The following SYT16 variants were observed in gnomAD, a reference collection of about 807,000 sequenced individuals.
SYT16 encodes synaptotagmin 16, also known as synaptotagmin-16.
SYT16 carries 42 observed loss-of-function variants against 61.4 expected under a neutral mutation model. The observed-to-expected ratio is 0.68, with a 90% CI of 0.53 to 0.89. SYT16 has a LOEUF of 0.89. SYT16 is among the 40% of genes least tolerant of loss of function. SYT16 has a pLI of 0.00. For missense variants in SYT16, 804 were observed against 807.3 expected (o/e 1.00, Z 0.05); for synonymous variants, 314 against 302.3 (o/e 1.04, Z -0.40).
chr14:61,890,195 A>G (rs1352136817), intron 1 of SYT16, among the ~76,000 whole-genome samples: 2 of 152,170 alleles, frequency 1.3e-5, no homozygotes, highest in African/African-American at 2.4e-5. Flanking sequence ...ACAGTAAGAA[A>G]GGCTGGGAGC....
At position 61,846,660 on chromosome 14, in the gene SYT16, G is replaced by A. The variant is rs529675421; in HGVS notation, c.-325+33850G>A. 4.6e-5 allele frequency among the ~76,000 whole-genome samples: 7 copies of A among 152,138 alleles called. No homozygotes were observed. In the South Asian group the frequency reaches 1.5e-3, roughly 32 times the overall value. On this transcript the variant is annotated intron_variant, in intron 1 of 7. Coordinates refer to ENST00000683842, the MANE Select transcript of SYT16 (RefSeq NM_001367656.1). ...GGAGAGTTTAGTCCATTTGCATTCA[G>A]TGTTACCATTGTTAAGAACTTACTC...
At chr14:61,924,130 A>C (rs1473698956) in intron 1 of SYT16, among the ~76,000 whole-genome samples, 1 of 152,234 alleles carries the variant, frequency 6.6e-6, no homozygotes, top group East Asian at 1.9e-4. Flanking sequence ...CAGTCCCTTT[A>C]AATGACTGTT....
chr14:61,818,217 G>C (rs1401162675), intron 1 of SYT16, among the ~76,000 whole-genome samples: 1 of 152,138 alleles, frequency 6.6e-6, no homozygotes, highest in Non-Finnish European at 1.5e-5. Flanking sequence ...ATGAGCGTTG[G>C]TATTTCACCA....
intron 3 of SYT16, among the ~76,000 whole-genome samples, chr14:62,032,597 T>C (rs1254988705): frequency 6.6e-6 from 1 of 152,044 alleles, no homozygotes; most frequent in South Asian, 2.1e-4. Flanking sequence ...TACTGAATAA[T>C]GACAATGATA....
intron 2 of SYT16, among the ~76,000 whole-genome samples, chr14:61,994,467 G>T (rs1011661094): frequency 6.6e-5 from 10 of 152,140 alleles, no homozygotes; most frequent in Non-Finnish European, 4.4e-5. Flanking sequence ...GGCTTTGACA[G>T]CCACAGATAC....
Position 61,938,026 on chromosome 14 carries a change from A to AACACAC in SYT16, c.-324-32078_-324-32073dup, listed in dbSNP as rs3071213. ...CTGTTGCCCCAACCTCCTACCCCGC[A>AACACAC]ACACACACACACACACACACACACA... On this transcript the variant is annotated intron_variant, in intron 1 of 7. Coordinates refer to ENST00000683842, the MANE Select transcript of SYT16 (RefSeq NM_001367656.1). 8.3e-3 allele frequency among the ~76,000 whole-genome samples: 1,133 copies of AACACAC among 135,714 alleles called. 28 individuals carry two copies. Among genetic ancestry groups the AACACAC allele is most frequent in the African/African-American group, 0.029 (1,031 of 35,808 alleles). 89.0% of individuals were successfully genotyped at this position (135,714 alleles called of 152,430 possible).
In SYT16 at chr14:61,909,387, A is replaced by G. The variant is rs540709462; in HGVS notation, c.-324-60745A>G. On this transcript the variant is annotated intron_variant, in intron 1 of 7. Transcript: ENST00000683842. ...TCGAGTCTGAAATCAGGGTGTTGGC[A>G]GGGCCATGCTCCCTCTGAAGGTGCC... Among the ~76,000 whole-genome samples, 77 of 152,310 alleles carry G rather than the reference A, an allele frequency of 5.1e-4. 1 individual carries two copies. Among genetic ancestry groups the G allele is most frequent in the African/African-American group, 1.8e-3 (76 of 41,572 alleles).
chr14:61,925,122 C>G (rs1462103455), intron 1 of SYT16, among the ~76,000 whole-genome samples: 1 of 152,214 alleles, frequency 6.6e-6, no homozygotes, highest in Non-Finnish European at 1.5e-5. Context: ...TGTTCTATTC[C>G]TAAGGAAGAA....
At chr14:62,068,761 AACACAC>A (rs71449578) in intron 3 of SYT16, among the ~76,000 whole-genome samples, 1 of 150,880 alleles carries the variant, frequency 6.6e-6, no homozygotes, top group African/African-American at 2.4e-5. Context: ...AATGAGTTAA[AACACAC>A]ACACACACAC....
chr14:61,875,558 C>G (rs1045084149), intron 1 of SYT16, among the ~76,000 whole-genome samples: 1 of 152,310 alleles, frequency 6.6e-6, no homozygotes, highest in Admixed American at 6.5e-5. Flanking sequence ...TTGATTTAAG[C>G]AGCAAATGAA....
intron 1 of SYT16, among the ~76,000 whole-genome samples, chr14:61,893,999 G>C (rs1337670304): frequency 6.6e-6 from 1 of 151,512 alleles, no homozygotes; most frequent in East Asian, 1.9e-4. Flanking sequence ...GGAAAAAAAG[G>C]CCTGGCTGGC....
Position 62,106,672 on chromosome 14 carries a change from A to G in SYT16, c.*5965A>G, listed in dbSNP as rs1389956979. Reference sequence around the variant, plus strand: ...AGAAAGTTTTCTCTGAAGAGTTCCTATTTGGGTTTTGTTTAGGGCTTTGGG... The same window carrying G: ...AGAAAGTTTTCTCTGAAGAGTTCCTGTTTGGGTTTTGTTTAGGGCTTTGGG... On this transcript the variant is annotated 3_prime_UTR_variant, in exon 8 of 8. Coordinates refer to ENST00000683842, the MANE Select transcript of SYT16 (RefSeq NM_001367656.1). 1.3e-5 allele frequency: 2 copies of G among 152,020 alleles called. No homozygotes were observed. Among genetic ancestry groups the G allele is most frequent in the Non-Finnish European group, 2.9e-5 (2 of 67,990 alleles). 9.4% of individuals were successfully genotyped at this position (152,020 alleles called of 1,614,324 possible). A position where few individuals can be genotyped will look rare whatever the true frequency, so the allele number is the denominator to read the frequency against.
At chr14:62,003,567 A>G (rs2053106592) in intron 3 of SYT16, among the ~76,000 whole-genome samples, 1 of 151,962 alleles carries the variant, frequency 6.6e-6, no homozygotes, top group African/African-American at 2.4e-5. Flanking sequence ...TGATTTGACC[A>G]CTTATATAAA....
intron 2 of SYT16, among the ~76,000 whole-genome samples, chr14:61,993,558 C>G (rs898719011): frequency 8.6e-5 from 13 of 151,792 alleles, no homozygotes; most frequent in African/African-American, 3.1e-4. Flanking sequence ...AAAAGATGGC[C>G]GTGGGAGCTA....
At chr14:61,833,706 C>CTT (rs11357318) in intron 1 of SYT16, among the ~76,000 whole-genome samples, 1,607 of 47,592 alleles carry the variant, frequency 0.034, 15 homozygotes, top group Non-Finnish European at 0.048. Context: ...CCAGCAGTGG[C>CTT]TTTTTTTTTT....
intron 3 of SYT16, among the ~76,000 whole-genome samples, chr14:62,011,008 A>G (rs938293521): frequency 6.6e-5 from 10 of 152,144 alleles, no homozygotes; most frequent in Non-Finnish European, 5.9e-5. Context: ...ACAATTTCTT[A>G]CCCTTAATAT....
chr14:62,011,855 A>G (rs2053462864), intron 3 of SYT16, among the ~76,000 whole-genome samples: 1 of 140,166 alleles, frequency 7.1e-6, no homozygotes, highest in Non-Finnish European at 1.5e-5. Flanking sequence ...GTCTACCACA[A>G]GTCAGGGAAC....
In SYT16 at chr14:61,863,852, C is replaced by T. The variant is rs562172672; in HGVS notation, c.-325+51042C>T. On this transcript the variant is annotated intron_variant, in intron 1 of 7. Transcript: ENST00000683842. ...ATATCAATGCCCAGTTGTTCCAGCA[C>T]CAGTCGTGGAAAAGATTATCTTTGC... is the stretch of plus-strand genomic sequence containing the variant. 8.5e-5 allele frequency among the ~76,000 whole-genome samples: 13 copies of T among 152,232 alleles called. No homozygotes were observed. The East Asian group carries it at 2.5e-3, about 29-fold the overall frequency.
Position 62,069,831 on chromosome 14 carries a change from C to T in SYT16, c.736+16C>T, listed in dbSNP as rs1272582850. The T allele has an allele frequency of 1.1e-5, 17 of 1,612,514 alleles. No individual in the cohort carries two copies. Among genetic ancestry groups the T allele is most frequent in the Non-Finnish European group, 1.4e-5 (17 of 1,179,424 alleles). ...GCCTGCGAAGGTATCCTTTGCCTCA[C>T]ATCCTTTCTTTAGACCAGGGATGGC... On this transcript the variant is annotated intron_variant, in intron 4 of 7. Coordinates refer to ENST00000683842, the MANE Select transcript of SYT16 (RefSeq NM_001367656.1).
Sources: allele counts gnomAD v4.1 joint callset (sites outside exome capture counted in the v4.1 genomes callset), GRCh38; gene constraint gnomAD v4.1.1; transcripts MANE v1.5; gene names NCBI Gene and HGNC (gene_info 2026-07-23, HGNC 2026-07-21).